Variants in USH2A observed in about 807,000 individuals in gnomAD.
The protein encoded by USH2A is usherin, also known as Usher syndrome 2A (autosomal recessive, mild).
USH2A carries 443 observed loss-of-function variants against 538.9 expected under a neutral mutation model. That is an observed-to-expected ratio of 0.82 (90% CI 0.76 to 0.89). The LOEUF (loss-of-function observed/expected upper bound fraction) is 0.89, where lower values mean the gene tolerates loss of function less well. Among genes scored for constraint, USH2A ranks in the 40% least tolerant of loss-of-function variants. The pLI is 0.00. For missense variants in USH2A, 6,633 were observed against 6,324.8 expected, an observed-to-expected ratio of 1.05 and a Z score of -1.65; for synonymous variants, 2,413 against 2,273.5, an observed-to-expected ratio of 1.06 and a Z score of -1.75.
intron 12 of USH2A, among the ~76,000 whole-genome samples, chr1:216,248,188 T>C (rs1426836526): frequency 2.0e-5 from 3 of 152,126 alleles, no homozygotes; most frequent in Non-Finnish European, 4.4e-5. Flanking sequence ...CTGTTTTTTA[T>C]ATTACTTCTA....
rs1247443484 is a variant in USH2A at position 215,743,406 on chromosome 1, G to A, written c.11390-71C>T. ...TATATATGTGTGTGTGTGTGTGTGT[G>A]TGTGTGTGTGTATATATATATAGAC... On this transcript the variant is annotated intron_variant, in intron 58 of 71. Coordinates refer to ENST00000307340, the MANE Select transcript of USH2A (RefSeq NM_206933.4). 4.9e-4 allele frequency: 229 copies of A among 471,102 alleles called. 5 individuals are homozygous for A. Among genetic ancestry groups the A allele is most frequent in the East Asian group, 8.4e-4 (16 of 18,942 alleles). The allele number at this position is 471,102 out of a possible 1,614,324, so 29.2% of individuals were successfully genotyped here.
At chr1:216,346,084 C>A (rs561399963) in intron 4 of USH2A, among the ~76,000 whole-genome samples, 2 of 152,036 alleles carry the variant, frequency 1.3e-5, no homozygotes, top group African/African-American at 4.8e-5. Context: ...TTTGTTGATT[C>A]TCTTCCCCTC....
chr1:215,949,458 G>T (rs1666856232), intron 37 of USH2A, among the ~76,000 whole-genome samples: 1 of 151,802 alleles, frequency 6.6e-6, no homozygotes, highest in Non-Finnish European at 1.5e-5. Context: ...AAAGAACTAA[G>T]ACCTTTTAAC....
intron 34 of USH2A, among the ~76,000 whole-genome samples, chr1:215,995,963 G>A (rs1327102922): frequency 6.6e-6 from 1 of 152,150 alleles, no homozygotes; most frequent in Non-Finnish European, 1.5e-5. Context: ...CCAGGCTGGA[G>A]TGCAGTGGCA....
intron 21 of USH2A, among the ~76,000 whole-genome samples, chr1:216,161,005 C>T (rs926094245): frequency 1.3e-5 from 2 of 152,078 alleles, no homozygotes; most frequent in African/African-American, 4.8e-5. Context: ...ATTTTGTCTA[C>T]TAACATTTAT....
rs2034903465 is a variant in USH2A, at chr1:216,198,431, G to C, written c.3965C>G (p.Thr1322Arg). ...CTCCAAGCCAGTGATGGTTGTCATT[G>C]TTTGAGGAGGTTTTAATGCATTTTC... Reference protein sequence around the residue: ...ANENALKPPQTMTTITGLEPY... With the variant: ...ANENALKPPQRMTTITGLEPY... Residue 1322 changes from threonine to arginine, a missense_variant, in exon 18 of 72, where the codon ACA becomes AGA. Physicochemically the swap from Thr to Arg is moderately conservative, Grantham distance 71. Transcript: ENST00000307340. 1 of 1,614,018 alleles carries C rather than the reference G, an allele frequency of 6.2e-7. No homozygotes were observed. The highest frequency in any genetic ancestry group is 2.2e-5 in the East Asian group (1 of 44,828).
Position 216,323,529 on chromosome 1 carries a change from C to T in USH2A, c.1495G>A (p.Ala499Thr). 2.5e-6 allele frequency: 4 copies of T among 1,613,500 alleles called. No homozygotes were observed. Among genetic ancestry groups the T allele is most frequent in the Non-Finnish European group, 3.4e-6 (4 of 1,179,736 alleles). Residue 499 changes from alanine (A) to threonine (T), a missense_variant, in exon 8 of 72, where the codon GCT becomes ACT. Ala to Thr is a moderately conservative substitution (Grantham distance 58). Coordinates refer to ENST00000307340, the MANE Select transcript of USH2A (RefSeq NM_206933.4). ...FHGQYYTTET[A>T]VNLRHRYYAV... is the part of the protein sequence containing the mutation. ...TAATATCTGTGTCTGAGGTTAACAG[C>T]AGTCTCAGTTGTATAGTACTGCCCA... is the stretch of plus-strand genomic sequence containing the variant.
At chr1:215,638,413 A>G (rs560752272) in intron 69 of USH2A, among the ~76,000 whole-genome samples, 197 of 152,130 alleles carry the variant, frequency 1.3e-3, no homozygotes, top group African/African-American at 4.6e-3. Flanking sequence ...TGTGGTCAGG[A>G]GTTCGAGACC....
chr1:215,670,926 G>C (rs546870770), intron 64 of USH2A, 46 bp downstream of exon 64: 8 of 1,584,680 alleles, frequency 5.0e-6, no homozygotes, highest in Non-Finnish European at 6.9e-6. Context: ...AGGTGCTGAC[G>C]GGTGCAAACA....
intron 3 of USH2A, among the ~76,000 whole-genome samples, chr1:216,395,828 C>A (rs1480717412): frequency 6.6e-6 from 1 of 152,136 alleles, no homozygotes; most frequent in Non-Finnish European, 1.5e-5. Flanking sequence ...CCAGGCACAA[C>A]CAATAATTAT....
chr1:216,359,068 C>A (rs2038441817), intron 4 of USH2A, among the ~76,000 whole-genome samples: 1 of 152,128 alleles, frequency 6.6e-6, no homozygotes, highest in African/African-American at 2.4e-5. Context: ...AAAAATTCTT[C>A]ACGCAGAGTA....
chr1:215,716,303 G>A (rs765432017), intron 61 of USH2A, among the ~76,000 whole-genome samples: 3 of 152,176 alleles, frequency 2.0e-5, no homozygotes, highest in East Asian at 1.9e-4. Context: ...TGAGCTATGC[G>A]TCTTGACGGA....
In USH2A at chr1:216,078,167, C is replaced by A. The variant is rs777952975; in HGVS notation, c.5494G>T (p.Val1832Leu). ...HASESGDQPL[V>L]VNSPVYVGGI... ...CCCACATAAACTGGTGAATTCACCA[C>A]CAGTGGCTGGTCTCCGGACTCCGAT... is the stretch of plus-strand genomic sequence containing the variant. Residue 1832 changes from valine (V) to leucine (L), a missense_variant, in exon 27 of 72, where the codon GTG (valine) becomes TTG (leucine). Physicochemically the swap from Val to Leu is conservative, Grantham distance 32 (BLOSUM62 1). Transcript: ENST00000307340. The A allele has an allele frequency of 2.5e-6, 4 of 1,613,654 alleles. No individual in the cohort carries two copies. The highest frequency in any genetic ancestry group is 2.2e-5 in the East Asian group (1 of 44,866).
chr1:215,985,994 C>G (rs1354941876), intron 35 of USH2A, among the ~76,000 whole-genome samples: 1 of 152,158 alleles, frequency 6.6e-6, no homozygotes, highest in East Asian at 1.9e-4. Context: ...TATAAATTCT[C>G]ACAAAGATGG....
rs138382849 is a variant in USH2A, at chr1:215,743,675, C to T, written c.11390-340G>A. ...AACCCTGTAAAAATACAGAAATTAGCCGGGCATAGTGGTGTGTGCCTGTAA... is the reference window on the plus strand; with the variant it reads ...AACCCTGTAAAAATACAGAAATTAGTCGGGCATAGTGGTGTGTGCCTGTAA... On this transcript the variant is annotated intron_variant, in intron 58 of 71. Transcript: ENST00000307340. Among the ~76,000 whole-genome samples, 306 of 151,156 alleles carry T rather than the reference C, an allele frequency of 2.0e-3. 1 individual carries two copies. Among genetic ancestry groups the T allele is most frequent in the East Asian group, 0.019 (98 of 5,094 alleles).
Position 215,648,843 on chromosome 1 carries a change from C to T in USH2A, c.14344-77G>A, listed in dbSNP as rs1656950969. ...TTGATGAATGTTATCCAAGATCCCA[C>T]CTCCTACAAATGGAGTACCATGCCA... is the stretch of plus-strand genomic sequence containing the variant. On this transcript the variant is annotated intron_variant, in intron 65 of 71. Coordinates refer to ENST00000307340, the MANE Select transcript of USH2A (RefSeq NM_206933.4). The T allele has an allele frequency of 2.9e-6, 4 of 1,396,434 alleles. No individual in the cohort carries two copies. The South Asian group carries it at 3.5e-5, about 12-fold the overall frequency. The allele number at this position is 1,396,434 out of a possible 1,614,324, so 86.5% of individuals were successfully genotyped here.
chr1:216,292,023 G>T, intron 10 of USH2A, 152 bp downstream of exon 10: 2 of 834,590 alleles, frequency 2.4e-6, no homozygotes, highest in Non-Finnish European at 3.8e-6. Context: ...TTGGAAATAG[G>T]AAGATTTGGT....
chr1:216,030,879 A>G (rs1031463338), intron 32 of USH2A, among the ~76,000 whole-genome samples: 3 of 151,492 alleles, frequency 2.0e-5, no homozygotes, highest in Admixed American at 2.0e-4. Context: ...TATCAAAGGA[A>G]TTTTGTCCTT....
chr1:216,079,775 G>A (rs1192567247), intron 26 of USH2A, among the ~76,000 whole-genome samples: 2 of 152,060 alleles, frequency 1.3e-5, no homozygotes, highest in Non-Finnish European at 2.9e-5. Flanking sequence ...AATGCATTAG[G>A]AAATCCATTT....
Sources: allele counts gnomAD v4.1 joint callset (sites outside exome capture counted in the v4.1 genomes callset), GRCh38; gene constraint gnomAD v4.1.1; transcripts MANE v1.5; gene names NCBI Gene and HGNC (gene_info 2026-07-23, HGNC 2026-07-21).